Variants in FBXW4 observed in about 807,000 individuals in gnomAD.
FBXW4 encodes the protein F-box and WD repeat domain containing 4, also known as F-box/WD repeat-containing protein 4.
FBXW4 carries 40 observed loss-of-function variants against 61.8 expected under a neutral mutation model. That is an observed-to-expected ratio of 0.65 (90% CI 0.50 to 0.84). The LOEUF (loss-of-function observed/expected upper bound fraction) is 0.84. Ranked by LOEUF, FBXW4 falls within the 40% of genes least tolerant of loss-of-function variation. FBXW4 has a pLI of 0.00. For missense variants in FBXW4, 672 were observed against 753.8 expected, an observed-to-expected ratio of 0.89 and a Z score of 1.27; for synonymous variants, 311 against 313.8, an observed-to-expected ratio of 0.99 and a Z score of 0.10.
Position 101,667,874 on chromosome 10 carries a change from T to C in FBXW4, c.1235+12A>G, listed in dbSNP as rs1343703156. On this transcript the variant is annotated intron_variant, in intron 5 of 8. Transcript: ENST00000331272. ...TACAGGACAAAACCACATCCAAATATGTCTCCCTTACCTGAGTAATGGGCT... is the reference window on the plus strand; with the variant it reads ...TACAGGACAAAACCACATCCAAATACGTCTCCCTTACCTGAGTAATGGGCT... 2.5e-6 allele frequency: 4 copies of C among 1,608,464 alleles called. No homozygotes were observed. Among genetic ancestry groups the C allele is most frequent in the Non-Finnish European group, 1.7e-6 (2 of 1,174,848 alleles).
chr10:101,670,572 C>A (rs2064349701), intron 4 of FBXW4, among the ~76,000 whole-genome samples: 1 of 152,250 alleles, frequency 6.6e-6, no homozygotes. Flanking sequence ...CTAGCCACTT[C>A]CAATCAGCTC....
chr10:101,690,303 C>T (rs1415643768), intron 1 of FBXW4, among the ~76,000 whole-genome samples: 1 of 152,080 alleles, frequency 6.6e-6, no homozygotes, highest in Non-Finnish European at 1.5e-5. Context: ...TTAGTTTGTC[C>T]TCTTACTCTT....
intron 5 of FBXW4, among the ~76,000 whole-genome samples, chr10:101,654,353 T>C (rs1276614791): frequency 1.3e-5 from 2 of 152,076 alleles, no homozygotes; most frequent in Non-Finnish European, 2.9e-5. Context: ...TACACTTAAA[T>C]TGTACATTTT....
chr10:101,671,851 T>A (rs1302815155), intron 4 of FBXW4, among the ~76,000 whole-genome samples: 1 of 152,206 alleles, frequency 6.6e-6, no homozygotes, highest in African/African-American at 2.4e-5. Context: ...TATGCTGGAT[T>A]TTTCTCAAGC....
At chr10:101,662,251 C>G (rs1209133968) in intron 5 of FBXW4, among the ~76,000 whole-genome samples, 2 of 152,184 alleles carry the variant, frequency 1.3e-5, no homozygotes, top group Non-Finnish European at 2.9e-5. Context: ...CTACTGGGAA[C>G]AAACACCCTC....
chr10:101,677,514 A>C (rs2064426139), intron 1 of FBXW4, among the ~76,000 whole-genome samples: 2 of 152,236 alleles, frequency 1.3e-5, no homozygotes, highest in African/African-American at 2.4e-5. Context: ...CATTACTACC[A>C]GGATAGGGAT....
intron 5 of FBXW4, among the ~76,000 whole-genome samples, chr10:101,665,811 A>G (rs10883674): frequency 0.73 from 110,280 of 152,036 alleles, 40,344 homozygotes; most frequent in East Asian, 0.96. Flanking sequence ...AACACATTCC[A>G]GAGGAGGAGG....
chr10:101,675,739 A>G (rs1224901747), intron 2 of FBXW4, among the ~76,000 whole-genome samples: 1 of 152,234 alleles, frequency 6.6e-6, no homozygotes, highest in Non-Finnish European at 1.5e-5. Context: ...TCAAATAATA[A>G]CTATGAAATC....
chr10:101,693,252 C>A (rs574143108), intron 1 of FBXW4, among the ~76,000 whole-genome samples: 1 of 152,136 alleles, frequency 6.6e-6, no homozygotes, highest in Non-Finnish European at 1.5e-5. Flanking sequence ...TATAATGCCA[C>A]CTTGAGACTT....
intron 3 of FBXW4, 110 bp from the exon 4 acceptor site, chr10:101,673,157 G>T (rs916151997): frequency 2.2e-6 from 3 of 1,363,336 alleles, no homozygotes; most frequent in African/African-American, 2.9e-5. Context: ...AATTTGCTAA[G>T]CATTAGACAA....
intron 5 of FBXW4, among the ~76,000 whole-genome samples, chr10:101,638,888 T>A (rs1315693256): frequency 1.3e-5 from 2 of 152,208 alleles, no homozygotes; most frequent in African/African-American, 4.8e-5. Flanking sequence ...TCCCCCAAAC[T>A]TCTGCTTCAT....
intron 5 of FBXW4, among the ~76,000 whole-genome samples, chr10:101,631,916 C>T (rs911669872): frequency 2.6e-5 from 4 of 152,154 alleles, no homozygotes; most frequent in African/African-American, 7.2e-5. Flanking sequence ...CGTGAGCCAC[C>T]GTGCCCAGCC....
chr10:101,694,883 C>T lies in FBXW4; in HGVS notation c.223G>A (p.Ala75Thr). Residue 75 changes from alanine (A) to threonine (T), a missense_variant, in exon 1 of 9, where the codon GCG (alanine) becomes ACG (threonine). Ala to Thr is a moderately conservative substitution (Grantham distance 58). Coordinates refer to ENST00000331272, the MANE Select transcript of FBXW4 (RefSeq NM_022039.4). This position sits in a 1 kb window ranked among gnomAD's most constrained non-coding sequence, Gnocchi z 6.0. The stretch of plus-strand genomic sequence containing the variant: ...TCCCTTGGGCATGCCCTCGCTCCCG[C>T]GTCAGCCCCCGGCCCGGCTGCCTCC... ...AKEAAGPGAD[A>T]GARACPREEA... 2 of 1,241,398 alleles carry T rather than the reference C, an allele frequency of 1.6e-6. No homozygotes were observed. 76.9% of individuals were successfully genotyped at this position (1,241,398 alleles called of 1,614,324 possible). A position where few individuals can be genotyped will look rare whatever the true frequency, so the allele number is the denominator to read the frequency against.
intron 1 of FBXW4, among the ~76,000 whole-genome samples, chr10:101,685,382 T>C (rs913875248): frequency 6.6e-6 from 1 of 152,238 alleles, no homozygotes; most frequent in Non-Finnish European, 1.5e-5. Flanking sequence ...ACAAGTGGTA[T>C]AGCAGTAACC....
chr10:101,618,311 C>A (rs1015511996), intron 6 of FBXW4, among the ~76,000 whole-genome samples: 8 of 152,220 alleles, frequency 5.3e-5, no homozygotes, highest in African/African-American at 1.9e-4. Flanking sequence ...GTGGAAAGGG[C>A]CACCAACTCC....
chr10:101,665,129 A>G (rs1420309247), intron 5 of FBXW4, among the ~76,000 whole-genome samples: 2 of 152,180 alleles, frequency 1.3e-5, no homozygotes, highest in Non-Finnish European at 2.9e-5. Context: ...TCAAGGTCAC[A>G]TTGAGAAGAA....
At position 101,672,933 on chromosome 10, in the gene FBXW4, G is replaced by A; in HGVS notation, c.1122C>T (p.Ser374=). 6.2e-7 allele frequency: 1 copy of A among 1,614,042 alleles called. No individual in the cohort carries two copies. Among genetic ancestry groups the A allele is most frequent in the South Asian group, 1.1e-5 (1 of 91,066 alleles). The change falls in exon 4 of 9, where the codon TCC becomes TCT. Residue 374 remains serine (S), a synonymous_variant. Coordinates refer to ENST00000331272, the MANE Select transcript of FBXW4 (RefSeq NM_022039.4). ...DCKGGIIVSG[S]RDRTAKVWPL... The stretch of plus-strand genomic sequence containing the variant: ...ACCTCACCTTGGCCGTCCTGTCCCT[G>A]GAGCCACTCACAATGATGCCCCCTT...
At chr10:101,620,113 G>T (rs888637568) in intron 6 of FBXW4, among the ~76,000 whole-genome samples, 1 of 151,990 alleles carries the variant, frequency 6.6e-6, no homozygotes, top group Admixed American at 6.6e-5. Context: ...AAATCCAGGC[G>T]CTCCTCAAGT....
chr10:101,653,634 C>T (rs1006703115), intron 5 of FBXW4, among the ~76,000 whole-genome samples: 1 of 152,196 alleles, frequency 6.6e-6, no homozygotes, highest in African/African-American at 2.4e-5. Flanking sequence ...TACAGCTTTC[C>T]TCTGATTTCC....
Sources: gnomAD v4.1 joint callset for allele counts (sites outside exome capture counted in the v4.1 genomes callset) on GRCh38, gnomAD v4.1.1 for gene constraint, Gnocchi (gnomAD v3.1) non-coding constraint, MANE v1.5 for transcripts, NCBI Gene and HGNC (gene_info 2026-07-23, HGNC 2026-07-21) for gene names.